The following IL7 variants were observed in gnomAD, a reference collection of about 807,000 sequenced individuals.
The protein encoded by IL7 is interleukin-7.
IL7 carries 3 observed loss-of-function variants against 21.6 expected under a neutral mutation model. The ratio of observed to expected loss-of-function variants is 0.14; its 90% CI spans 0.06 to 0.36. IL7 has a LOEUF of 0.36. IL7 is among the 10% of genes least tolerant of loss of function. IL7 has a pLI of 1.00. For missense variants in IL7, 175 were observed against 200.2 expected (o/e 0.87, Z 0.76); for synonymous variants, 62 against 68.1 (o/e 0.91, Z 0.44).
At chr8:78,802,008 A>G (rs1293949797) in intron 1 of IL7, among the ~76,000 whole-genome samples, 2 of 152,226 alleles carry the variant, frequency 1.3e-5, no homozygotes, top group Admixed American at 6.5e-5. Context: ...CCGAAAAGAT[A>G]AACCATAGGA....
At chr8:78,767,766 CT>C (rs1397616481) in intron 2 of IL7, among the ~76,000 whole-genome samples, 1 of 151,792 alleles carries the variant, frequency 6.6e-6, no homozygotes, top group Non-Finnish European at 1.5e-5. Flanking sequence ...ATGGAGTAAT[CT>C]TTTTTATTTT....
At chr8:78,734,071 C>G (rs990127376) in intron 5 of IL7, among the ~76,000 whole-genome samples, 1 of 151,990 alleles carries the variant, frequency 6.6e-6, no homozygotes. Flanking sequence ...ATCAGCTGAC[C>G]GCCATTTTCA....
downstream of IL7, among the ~76,000 whole-genome samples, chr8:78,730,421 A>G (rs1038065084): frequency 6.6e-6 from 1 of 151,990 alleles, no homozygotes; most frequent in Non-Finnish European, 1.5e-5. Context: ...CATAGATTCT[A>G]TTATTTGGTC....
At chr8:78,787,838 T>C (rs997444284) in intron 2 of IL7, among the ~76,000 whole-genome samples, 19 of 152,270 alleles carry the variant, frequency 1.2e-4, no homozygotes, top group African/African-American at 4.1e-4. Context: ...CTATAACAAA[T>C]GTCCATGAAC....
chr8:78,730,477 T>C (rs1037627190), downstream of IL7, among the ~76,000 whole-genome samples: 1 of 151,916 alleles, frequency 6.6e-6, no homozygotes, highest in Non-Finnish European at 1.5e-5. Flanking sequence ...AATTTAGAAA[T>C]CAAAGAAAAT....
At chr8:78,685,204 TG>T (rs1448644524) in intron 4 of IL7, among the ~76,000 whole-genome samples, 2 of 151,766 alleles carry the variant, frequency 1.3e-5, no homozygotes, top group East Asian at 3.9e-4. Flanking sequence ...AATTCTGTTG[TG>T]GGGGGACAGG....
chr8:78,758,465 T>A (rs1176228969), intron 2 of IL7, among the ~76,000 whole-genome samples: 1 of 152,154 alleles, frequency 6.6e-6, no homozygotes, highest in Non-Finnish European at 1.5e-5. Context: ...TTTCTTGTGC[T>A]TTCTAAATAG....
intron 4 of IL7, among the ~76,000 whole-genome samples, chr8:78,680,198 T>A (rs1426509288): frequency 6.8e-6 from 1 of 146,892 alleles, no homozygotes; most frequent in South Asian, 2.1e-4. Context: ...TTATAAGGAA[T>A]TGGGGTTGTA....
chr8:78,703,884 T>C (rs1378183817), intron 3 of IL7, among the ~76,000 whole-genome samples: 1 of 152,218 alleles, frequency 6.6e-6, no homozygotes, highest in Non-Finnish European at 1.5e-5. Flanking sequence ...GTATTACTGG[T>C]CTGTGTACCT....
chr8:78,697,653 G>A, intron 3 of IL7: 2 of 539,912 alleles, frequency 3.7e-6, no homozygotes, highest in Non-Finnish European at 3.1e-6. Flanking sequence ...TTTAAAATAA[G>A]ATAACTTTGA....
Position 78,764,266 on chromosome 8 carries a change from C to A in IL7, c.148-24184G>T, listed in dbSNP as rs531623559. ...TTAATAATAAGAAATTTGTAGGTTT[C>A]CTGATAATAAAAAAAAAGCTATCTC... On this transcript the variant is annotated intron_variant, in intron 2 of 5. Transcript: ENST00000263851. Among the ~76,000 whole-genome samples the A allele has an allele frequency of 1.6e-3, 240 of 151,882 alleles. 1 individual carries two copies. The highest frequency in any genetic ancestry group is 3.0e-3 in the Admixed American group (46 of 15,180).
intron 5 of IL7, chr8:78,719,696 T>G (rs1473204827): frequency 6.6e-6 from 1 of 151,718 alleles, no homozygotes; most frequent in Non-Finnish European, 1.5e-5. Flanking sequence ...GTCCACTATT[T>G]GTTTTTTGTT....
At chr8:78,708,716 T>C (rs1810862827) in intron 3 of IL7, among the ~76,000 whole-genome samples, 2 of 151,138 alleles carry the variant, frequency 1.3e-5, no homozygotes. Context: ...GTTTTGCTCT[T>C]GTTGCCCAGG....
rs960662065 is a variant in IL7, at chr8:78,761,396, G to A, written c.148-21314C>T. The stretch of plus-strand genomic sequence containing the variant: ...GGGATATTTCTCTAAAAGTCTAGAA[G>A]CAACAACTTTCATTTTGGAAGAAAA... On this transcript the variant is annotated intron_variant, in intron 2 of 5. Transcript: ENST00000263851. 8.1e-6 allele frequency: 13 copies of A among 1,611,828 alleles called. No homozygotes were observed. The African/African-American group carries it at 1.1e-4, about 13-fold the overall frequency.
chr8:78,772,438 A>T (rs1051941139), intron 2 of IL7, among the ~76,000 whole-genome samples: 2 of 152,186 alleles, frequency 1.3e-5, no homozygotes, highest in African/African-American at 4.8e-5. Context: ...TGCATAAAAT[A>T]TAGAATGATA....
intron 2 of IL7, among the ~76,000 whole-genome samples, chr8:78,757,844 G>T (rs185952958): frequency 6.6e-6 from 1 of 152,154 alleles, no homozygotes; most frequent in Non-Finnish European, 1.5e-5. Flanking sequence ...ATTCCCATGT[G>T]TTGTGGGAGG....
rs530831668 is a variant in IL7 at position 78,698,238 on chromosome 8, G to C, written n.215-12291C>G. Reference sequence around the variant, plus strand: ...TTATAAGAGGGACATTTAGAAACTAGAAATGAAGGATGCTATATGTCGTCC... The same window carrying C: ...TTATAAGAGGGACATTTAGAAACTACAAATGAAGGATGCTATATGTCGTCC... On this transcript the variant is annotated intron_variant and non_coding_transcript_variant, in intron 3 of 4. Transcript: ENST00000523959. Among the ~76,000 whole-genome samples the C allele has an allele frequency of 2.6e-5, 4 of 152,246 alleles. No individual in the cohort carries two copies. In the East Asian group the frequency reaches 7.7e-4, roughly 29 times the overall value.
At chr8:78,678,453 G>T (rs1809656225) in intron 4 of IL7, 2 of 761,650 alleles carry the variant, frequency 2.6e-6, no homozygotes, top group South Asian at 2.1e-5. Context: ...TTGTATTCAG[G>T]TTTTTCATTT....
At chr8:78,768,452 T>C (rs1333867736) in intron 2 of IL7, among the ~76,000 whole-genome samples, 2 of 147,850 alleles carry the variant, frequency 1.4e-5, no homozygotes, top group Admixed American at 1.3e-4. Context: ...GACTTTTTAA[T>C]GATTGCCATT....
Sources: gnomAD v4.1 joint callset for allele counts (sites outside exome capture counted in the v4.1 genomes callset) on GRCh38, gnomAD v4.1.1 for gene constraint, MANE v1.5 for transcripts, NCBI Gene and HGNC (gene_info 2026-07-23, HGNC 2026-07-21) for gene names.